The following RCC2 variants were observed in gnomAD, a reference collection of about 807,000 sequenced individuals.
RCC2 encodes regulator of chromosome condensation 2.
RCC2 carries 19 observed loss-of-function variants against 64.1 expected under a neutral mutation model. That is an observed-to-expected ratio of 0.30 (90% CI 0.21 to 0.44). The LOEUF (loss-of-function observed/expected upper bound fraction) is 0.44, where lower values mean the gene tolerates loss of function less well. Ranked by LOEUF, RCC2 falls within the 20% of genes least tolerant of loss-of-function variation. RCC2 has a pLI of 1.00. For synonymous variants in RCC2, 325 were observed against 279.6 expected (o/e 1.16, Z -1.62); for missense variants, 508 against 710.4 (o/e 0.72, Z 3.24).
At chr1:17,420,414 G>A (rs1406363125) in intron 7 of RCC2, among the ~76,000 whole-genome samples, 1 of 152,108 alleles carries the variant, frequency 6.6e-6, no homozygotes, top group Non-Finnish European at 1.5e-5. Flanking sequence ...AATGAAGGTG[G>A]TCTGATTTTT....
intron 4 of RCC2, among the ~76,000 whole-genome samples, chr1:17,423,602 G>A (rs1403924770): frequency 6.6e-6 from 1 of 152,244 alleles, no homozygotes; most frequent in Non-Finnish European, 1.5e-5. Flanking sequence ...AGTTGGGTGG[G>A]CCAAAAGGAG....
At chr1:17,437,622 G>A (rs1009208233) in intron 2 of RCC2, among the ~76,000 whole-genome samples, 2 of 5,024 alleles carry the variant, frequency 4.0e-4, no homozygotes, top group South Asian at 0.038. Flanking sequence ...AACAAAGCCC[G>A]AGCACCGCTC....
Position 17,413,023 on chromosome 1 carries a change from C to T in RCC2, c.1313+50G>A, listed in dbSNP as rs372266627. On this transcript the variant is annotated intron_variant, in intron 10 of 12. Transcript: ENST00000375436. ...GGGCACCCCATGGGTGTGTCTGACA[C>T]CCCCATGAAAGGAAGAGACCTCATA... 410 of 1,383,566 alleles carry T rather than the reference C, an allele frequency of 3.0e-4. 3 individuals are homozygous for T. In the East Asian group the frequency reaches 8.9e-3, roughly 30 times the overall value. 85.7% of individuals were successfully genotyped at this position (1,383,566 alleles called of 1,614,324 possible). A position where few individuals can be genotyped will look rare whatever the true frequency, so the allele number is the denominator to read the frequency against.
chr1:17,409,033 C>T lies in RCC2; in HGVS notation c.*57G>A. On this transcript the variant is annotated 3_prime_UTR_variant, in exon 13 of 13. Coordinates refer to ENST00000375436, the MANE Select transcript of RCC2 (RefSeq NM_018715.4). Reference sequence around the variant, plus strand: ...CCTCGTTTGACTTCCCGTCCCAGTGCACATGGAAATGACAGCTGCCGCGAG... The same window carrying T: ...CCTCGTTTGACTTCCCGTCCCAGTGTACATGGAAATGACAGCTGCCGCGAG... 1.6e-6 allele frequency: 2 copies of T among 1,271,932 alleles called. No individual in the cohort carries two copies. Among genetic ancestry groups the T allele is most frequent in the South Asian group, 1.2e-5 (1 of 84,166 alleles). 78.8% of individuals were successfully genotyped at this position (1,271,932 alleles called of 1,614,324 possible). A position where few individuals can be genotyped will look rare whatever the true frequency, so the allele number is the denominator to read the frequency against.
At chr1:17,438,185 C>T (rs1487523333) in intron 2 of RCC2, 45 bp downstream of exon 2, 5 of 1,155,330 alleles carry the variant, frequency 4.3e-6, no homozygotes, top group Non-Finnish European at 5.4e-6. Context: ...CTGAGCCCGC[C>T]GGCCCCGGCC....
intron 2 of RCC2, among the ~76,000 whole-genome samples, chr1:17,431,359 A>AAAAATATATATATATATATATAT (rs1553158471): frequency 2.2e-5 from 1 of 44,938 alleles, no homozygotes; most frequent in Non-Finnish European, 3.8e-5. Flanking sequence ...AAAAAAAAAA[A>AAAAATATATATATATATATATAT]ATATATATAT....
chr1:17,438,477 T>C lies in RCC2; in HGVS notation c.38A>G (p.Glu13Gly). 2 of 1,341,830 alleles carry C rather than the reference T, an allele frequency of 1.5e-6. No homozygotes were observed. Among genetic ancestry groups the C allele is most frequent in the Non-Finnish European group, 9.5e-7 (1 of 1,050,696 alleles). The allele number at this position is 1,341,830 out of a possible 1,614,324, so 83.1% of individuals were successfully genotyped here. A position where few individuals can be genotyped will look rare whatever the true frequency, so the allele number is the denominator to read the frequency against. Residue 13 changes from glutamate to glycine, a missense_variant, in exon 2 of 13, where the codon GAG becomes GGG. Physicochemically the swap from Glu to Gly is moderately conservative, Grantham distance 98. This residue lies in a region of RCC2 where 195 missense variants were observed against 158.3 expected (regional missense o/e 1.23). Coordinates refer to ENST00000375436, the MANE Select transcript of RCC2 (RefSeq NM_018715.4). ...RKKAAAAAWE[E>G]PSSGNGTARA... The stretch of plus-strand genomic sequence containing the variant: ...GGCAGTGCCGTTGCCCGAGCTCGGC[T>C]CCTCCCAGGCCGCCGCCGCCGCCTT...
At chr1:17,439,261 T>C (rs1443750924) in intron 1 of RCC2, among the ~76,000 whole-genome samples, 1 of 149,932 alleles carries the variant, frequency 6.7e-6, no homozygotes, top group Non-Finnish European at 1.5e-5. Flanking sequence ...CCGGCCGGTC[T>C]CCGATTCGAC....
At chr1:17,420,954 G>C (rs1231939482) in intron 6 of RCC2, 126 bp from the exon 7 acceptor site, 1 of 652,228 alleles carries the variant, frequency 1.5e-6, no homozygotes, top group Non-Finnish European at 2.7e-6. Context: ...CAGTAATTCT[G>C]AAGGCAAAAG....
intron 4 of RCC2, among the ~76,000 whole-genome samples, chr1:17,423,237 C>T (rs1217674366): frequency 6.6e-6 from 1 of 152,224 alleles, no homozygotes; most frequent in African/African-American, 2.4e-5. Context: ...AGACAGCACC[C>T]CATTTTGACA....
rs939226957 is a variant in RCC2, at chr1:17,420,980, G to A, written c.745-152C>T. On this transcript the variant is annotated intron_variant, in intron 6 of 12. Transcript: ENST00000375436. ...AAGGCAAAAGCTGAAGGCATTTCTA[G>A]AACACAAAGCTTAGAAGATATGTAA... 4.9e-6 allele frequency: 3 copies of A among 614,820 alleles called. No homozygotes were observed. The African/African-American group carries it at 5.6e-5, about 11-fold the overall frequency. 38.1% of individuals were successfully genotyped at this position (614,820 alleles called of 1,614,324 possible). A position where few individuals can be genotyped will look rare whatever the true frequency, so the allele number is the denominator to read the frequency against.
chr1:17,421,562 A>C (rs2075556492), intron 6 of RCC2, among the ~76,000 whole-genome samples: 1 of 152,162 alleles, frequency 6.6e-6, no homozygotes. Context: ...ACTTTATACA[A>C]GGTCAAAACA....
chr1:17,425,575 G>A lies in RCC2; in HGVS notation c.489C>T (p.Leu163=), dbSNP rs764716394. The change falls in exon 4 of 13, where the codon CTC becomes CTT. Residue 163 remains leucine, a synonymous_variant. Coordinates refer to ENST00000375436, the MANE Select transcript of RCC2 (RefSeq NM_018715.4). ...VVSGSCAAHS[L]LITTEGKLWS... is the part of the protein sequence containing the mutation. ...ACAGCTTCCCTTCCGTGGTGATGAG[G>A]AGGCTGTGTGCAGCACACGAGCCCG... 5 of 1,613,798 alleles carry A rather than the reference G, an allele frequency of 3.1e-6. No individual in the cohort carries two copies. The Admixed American group carries it at 8.3e-5, about 27-fold the overall frequency.
intron 2 of RCC2, among the ~76,000 whole-genome samples, chr1:17,434,419 A>C (rs559536291): frequency 6.6e-6 from 1 of 152,348 alleles, no homozygotes; most frequent in Admixed American, 6.5e-5. Flanking sequence ...AACATGTACC[A>C]GGTGGGTGGT....
Position 17,438,522 on chromosome 1 carries a change from G to T in RCC2, c.-8C>A. 1 of 1,333,356 alleles carries T rather than the reference G, an allele frequency of 7.5e-7. No individual in the cohort carries two copies. The highest frequency in any genetic ancestry group is 2.3e-5 in the South Asian group (1 of 43,974). The allele number at this position is 1,333,356 out of a possible 1,614,324, so 82.6% of individuals were successfully genotyped here. ...CGCCTTCTTCCTGGGCATGGTCGCG[G>T]CTGGAGGGAGACACGGGGCAGCGGC... is the stretch of plus-strand genomic sequence containing the variant. On this transcript the variant is annotated splice_region_variant and 5_prime_UTR_variant, in exon 2 of 13. Transcript: ENST00000375436.
At chr1:17,416,754 C>A in intron 7 of RCC2, 108 bp from the exon 8 acceptor site, 3 of 1,168,654 alleles carry the variant, frequency 2.6e-6, no homozygotes, top group Non-Finnish European at 3.5e-6. Context: ...CAATCTGGCC[C>A]TTCTGGGCCT....
intron 1 of RCC2, among the ~76,000 whole-genome samples, chr1:17,438,992 C>T (rs909509510): frequency 2.0e-5 from 3 of 151,698 alleles, no homozygotes; most frequent in Non-Finnish European, 2.9e-5. Flanking sequence ...CCGCAGTCTC[C>T]CCCCAAACCC....
In RCC2 at chr1:17,409,613, T is replaced by C. The variant is rs2075403853; in HGVS notation, c.1464+361A>G. Among the ~76,000 whole-genome samples, 2 of 152,244 alleles carry C rather than the reference T, an allele frequency of 1.3e-5. 1 individual carries two copies. Among genetic ancestry groups the C allele is most frequent in the South Asian group, 4.1e-4 (2 of 4,834 alleles). Reference sequence around the variant, plus strand: ...GGGCCTCACCCCGCCATCTGACTCCTGCAGCCACGCAGCCTCTACTCTGTG... The same window carrying C: ...GGGCCTCACCCCGCCATCTGACTCCCGCAGCCACGCAGCCTCTACTCTGTG... On this transcript the variant is annotated intron_variant, in intron 12 of 12. Coordinates refer to ENST00000375436, the MANE Select transcript of RCC2 (RefSeq NM_018715.4).
In RCC2 at chr1:17,425,649, G is replaced by T. The variant is rs1310470456; in HGVS notation, c.415C>A (p.Pro139Thr). Residue 139 changes from proline (P) to threonine (T), a missense_variant, in exon 4 of 13, where the codon CCC (proline) becomes ACC (threonine). By Grantham distance (38) the Pro-to-Thr change is conservative. Around this residue, in one of 4 missense-constraint regions of RCC2, gnomAD observed 132 missense variants for 207.3 expected, o/e 0.64. Coordinates refer to ENST00000375436, the MANE Select transcript of RCC2 (RefSeq NM_018715.4). Reference protein sequence around the residue: ...YRNLGQNLWGPHRYGCLAGVR... With the variant: ...YRNLGQNLWGTHRYGCLAGVR... ...CCCGCCAGGCACCCATATCTGTGGGGCCCCCACAAATTCTGACCGAGATTG... is the reference window on the plus strand; with the variant it reads ...CCCGCCAGGCACCCATATCTGTGGGTCCCCCACAAATTCTGACCGAGATTG... 6.2e-7 allele frequency: 1 copy of T among 1,613,632 alleles called. No individual in the cohort carries two copies.
Sources: gnomAD v4.1 joint callset for allele counts (sites outside exome capture counted in the v4.1 genomes callset) on GRCh38, gnomAD v4.1.1 for gene constraint, gnomAD v4.1.1 regional missense constraint, MANE v1.5 for transcripts, NCBI Gene and HGNC (gene_info 2026-07-23, HGNC 2026-07-21) for gene names.